Variants in NSMAF observed in about 807,000 individuals in gnomAD.
NSMAF encodes neutral sphingomyelinase activation associated factor.
In NSMAF, 90 loss-of-function variants were observed where a neutral mutation model predicts 134.9. The ratio of observed to expected loss-of-function variants is 0.67; its 90% CI spans 0.56 to 0.79. The LOEUF (loss-of-function observed/expected upper bound fraction) is 0.79, where lower values mean the gene tolerates loss of function less well. Ranked by LOEUF, NSMAF falls within the 30% of genes least tolerant of loss-of-function variation. The pLI, the probability that NSMAF is intolerant of heterozygous loss-of-function variation, is 0.00. For missense variants in NSMAF, 1,010 were observed against 1,119.0 expected (o/e 0.90, Z 1.39); for synonymous variants, 358 against 389.6 (o/e 0.92, Z 0.96).
chr8:58,606,092 C>A, intron 11 of NSMAF, 57 bp from the exon 12 acceptor site: 4 of 1,333,602 alleles, frequency 3.0e-6, no homozygotes, highest in South Asian at 1.5e-5. Flanking sequence ...TCTTGCAATC[C>A]CAATATAAGT....
At chr8:58,637,253 T>C in intron 2 of NSMAF, 1 of 451,172 alleles carries the variant, frequency 2.2e-6, no homozygotes, top group Non-Finnish European at 4.5e-6. Context: ...TGACAGGATG[T>C]CCCAGGTTCA....
intron 21 of NSMAF, among the ~76,000 whole-genome samples, chr8:58,596,594 A>G (rs997121229): frequency 6.6e-6 from 1 of 152,204 alleles, no homozygotes; most frequent in Non-Finnish European, 1.5e-5. Context: ...CAAATGTTAA[A>G]TAAGTGAAAT....
At chr8:58,659,299 A>T in intron 1 of NSMAF, 1 of 1,524,676 alleles carries the variant, frequency 6.6e-7, no homozygotes, top group Non-Finnish European at 8.8e-7. Flanking sequence ...ACTGCCGGAT[A>T]GCTCGGCATG....
chr8:58,640,406 T>A (rs13265070), intron 2 of NSMAF, among the ~76,000 whole-genome samples: 1 of 152,194 alleles, frequency 6.6e-6, no homozygotes, highest in South Asian at 2.1e-4. Context: ...TACATGTATG[T>A]CTCTTTTCTT....
chr8:58,659,365 A>AGGCTCCGGCCCAGACCAGGCCCCCGGCC, intron 1 of NSMAF: 1 of 1,524,966 alleles, frequency 6.6e-7, no homozygotes, highest in Non-Finnish European at 8.8e-7. Context: ...TGTCCCCGGC[A>AGGCTCCGGCCCAGACCAGGCCCCCGGCC]GGCTCCGGCC....
At chr8:58,659,468 GC>G in intron 1 of NSMAF, 104 bp downstream of exon 1, 1 of 1,491,576 alleles carries the variant, frequency 6.7e-7, no homozygotes, top group East Asian at 2.8e-5. Context: ...CTGCCTCCGT[GC>G]CCGGCCCCCA....
Position 58,587,713 on chromosome 8 carries a change from C to T in NSMAF, c.2212-12G>A. On this transcript the variant is annotated splice_polypyrimidine_tract_variant and intron_variant, in intron 26 of 30. Transcript: ENST00000038176. Reference sequence around the variant, plus strand: ...ACACCAGACCACACCTAGGATGGAACATATTGCAGAAGGTATTTTCAAACA... The same window carrying T: ...ACACCAGACCACACCTAGGATGGAATATATTGCAGAAGGTATTTTCAAACA... 1.2e-6 allele frequency: 2 copies of T among 1,609,362 alleles called. No individual in the cohort carries two copies. Among genetic ancestry groups the T allele is most frequent in the Non-Finnish European group, 1.7e-6 (2 of 1,177,086 alleles).
intron 10 of NSMAF, 56 bp from the exon 11 acceptor site, chr8:58,607,896 G>T (rs950983103): frequency 2.1e-6 from 3 of 1,401,620 alleles, no homozygotes; most frequent in Admixed American, 1.7e-5. Flanking sequence ...ATTAGAAGTT[G>T]TTCTATAGTA....
At chr8:58,625,826 C>G (rs553090573) in intron 6 of NSMAF, among the ~76,000 whole-genome samples, 2 of 152,196 alleles carry the variant, frequency 1.3e-5, no homozygotes, top group East Asian at 3.9e-4. Context: ...TGTTTTCTGT[C>G]TTGTAGCTCA....
At chr8:58,653,637 A>C (rs752126181) in intron 1 of NSMAF, among the ~76,000 whole-genome samples, 13 of 152,306 alleles carry the variant, frequency 8.5e-5, no homozygotes, top group Middle Eastern at 3.4e-3. Flanking sequence ...ATTCTAAGTT[A>C]CTTACTGAAT....
Position 58,600,028 on chromosome 8 carries a change from A to G in NSMAF, c.1281-7T>C, listed in dbSNP as rs1229275205. 1 of 1,609,798 alleles carries G rather than the reference A, an allele frequency of 6.2e-7. No homozygotes were observed. Among genetic ancestry groups the G allele is most frequent in the South Asian group, 1.1e-5 (1 of 90,564 alleles). On this transcript the variant is annotated splice_region_variant and splice_polypyrimidine_tract_variant and intron_variant, in intron 16 of 30. Transcript: ENST00000038176. The stretch of plus-strand genomic sequence containing the variant: ...TTTCCAAGTTTCTGCAATACTACAT[A>G]TGAAAAAAAAATTCACCTATTTTCA...
At chr8:58,602,740 AT>A (rs1806313495) in intron 13 of NSMAF, among the ~76,000 whole-genome samples, 1 of 152,232 alleles carries the variant, frequency 6.6e-6, no homozygotes, top group Admixed American at 6.5e-5. Context: ...AAGAGTAGAT[AT>A]ACCCCAAAGG....
chr8:58,595,851 A>G, intron 21 of NSMAF, 192 bp from the exon 22 acceptor site: 1 of 511,278 alleles, frequency 2.0e-6, no homozygotes, highest in East Asian at 3.2e-5. Context: ...GAGAAAGATA[A>G]AAAGTATCTT....
intron 30 of NSMAF, among the ~76,000 whole-genome samples, chr8:58,585,050 G>A (rs1008210408): frequency 6.6e-6 from 1 of 152,178 alleles, no homozygotes; most frequent in Admixed American, 6.5e-5. Flanking sequence ...GACACTAGAA[G>A]AATTAAAAAC....
At chr8:58,587,360 C>T (rs932379121) in intron 27 of NSMAF, among the ~76,000 whole-genome samples, 1 of 152,192 alleles carries the variant, frequency 6.6e-6, no homozygotes, top group Non-Finnish European at 1.5e-5. Flanking sequence ...TCAGAAACTA[C>T]TATTTTGGAA....
At chr8:58,598,855 G>A (rs975926519) in intron 19 of NSMAF, among the ~76,000 whole-genome samples, 37 of 149,236 alleles carry the variant, frequency 2.5e-4, no homozygotes, top group African/African-American at 9.3e-4. Flanking sequence ...AAACCGTCAC[G>A]ACCAAAAAAA....
intron 19 of NSMAF, among the ~76,000 whole-genome samples, chr8:58,598,502 A>G (rs1441978344): frequency 2.2e-5 from 1 of 44,470 alleles, no homozygotes. Flanking sequence ...AAAAAAAAAA[A>G]AAAAAAAAAG....
intron 19 of NSMAF, 57 bp downstream of exon 19, chr8:58,599,175 T>C (rs1479180951): frequency 2.0e-6 from 3 of 1,508,912 alleles, no homozygotes; most frequent in Non-Finnish European, 1.8e-6. Flanking sequence ...CCAATGAAAA[T>C]GAATAATGCT....
intron 1 of NSMAF, 175 bp downstream of exon 1, chr8:58,659,398 A>T (rs1238432368): frequency 6.6e-7 from 1 of 1,511,998 alleles, no homozygotes; most frequent in Admixed American, 2.1e-5. Context: ...CCGGCCTCTC[A>T]CCCCGACCTC....
Sources: allele counts gnomAD v4.1 joint callset (sites outside exome capture counted in the v4.1 genomes callset), GRCh38; gene constraint gnomAD v4.1.1; transcripts MANE v1.5; gene names NCBI Gene and HGNC (gene_info 2026-07-23, HGNC 2026-07-21).